The following DLG1 variants were observed in gnomAD, a reference collection of about 807,000 sequenced individuals.
The protein encoded by DLG1 is disks large homolog 1.
DLG1 carries 42 observed loss-of-function variants against 123.4 expected under a neutral mutation model. The observed-to-expected ratio is 0.34, with a 90% CI of 0.27 to 0.44. The LOEUF (loss-of-function observed/expected upper bound fraction) is 0.44, where lower values mean the gene tolerates loss of function less well. DLG1 is among the 20% of genes least tolerant of loss of function. The probability of loss-of-function intolerance (pLI) is 1.00; values close to 1 mark genes in which losing one functional copy is unlikely to be tolerated. For missense variants in DLG1, 942 were observed against 1,082.6 expected (o/e 0.87, Z 1.82); for synonymous variants, 317 against 356.2 (o/e 0.89, Z 1.24).
intron 4 of DLG1, among the ~76,000 whole-genome samples, chr3:197,223,998 C>G (rs1171573613): frequency 1.3e-5 from 2 of 152,190 alleles, no homozygotes; most frequent in Non-Finnish European, 2.9e-5. Context: ...TTTAAAAACT[C>G]TATCCACAAA....
chr3:197,050,558 A>G (rs1726875318), intron 24 of DLG1, among the ~76,000 whole-genome samples: 2 of 152,336 alleles, frequency 1.3e-5, no homozygotes, highest in Admixed American at 1.3e-4. Flanking sequence ...ACCTTATGCT[A>G]TATGAAATAA....
intron 13 of DLG1, among the ~76,000 whole-genome samples, chr3:197,114,637 A>G (rs1772024760): frequency 6.6e-6 from 1 of 152,212 alleles, no homozygotes; most frequent in Admixed American, 6.5e-5. Flanking sequence ...GCTTTTTACA[A>G]TGACTAGGGA....
intron 3 of DLG1, among the ~76,000 whole-genome samples, chr3:197,291,849 A>G (rs564625093): frequency 4.6e-5 from 7 of 152,364 alleles, no homozygotes; most frequent in African/African-American, 9.6e-5. Flanking sequence ...ATATATTTGT[A>G]TTAGCACATA....
At chr3:197,221,392 C>T (rs988154781) in intron 4 of DLG1, among the ~76,000 whole-genome samples, 2 of 151,948 alleles carry the variant, frequency 1.3e-5, no homozygotes, top group African/African-American at 4.8e-5. Flanking sequence ...TGGTGGCGGG[C>T]GCCTGTAATC....
intron 14 of DLG1, among the ~76,000 whole-genome samples, chr3:197,096,168 G>T (rs904141444): frequency 1.3e-5 from 2 of 152,148 alleles, no homozygotes; most frequent in African/African-American, 4.8e-5. Context: ...AGATATTTAT[G>T]TTTACATCTG....
intron 4 of DLG1, among the ~76,000 whole-genome samples, chr3:197,264,872 A>G (rs1370536040): frequency 2.6e-5 from 4 of 152,230 alleles, no homozygotes; most frequent in African/African-American, 7.2e-5. Flanking sequence ...GTGCTCATTC[A>G]CAGAAGAGGA....
intron 5 of DLG1, among the ~76,000 whole-genome samples, chr3:197,182,893 T>C (rs542944061): frequency 6.6e-6 from 1 of 151,720 alleles, no homozygotes; most frequent in East Asian, 1.9e-4. Flanking sequence ...TGTTATGTGA[T>C]TTTTTTTAAT....
intron 4 of DLG1, among the ~76,000 whole-genome samples, chr3:197,276,001 A>G (rs1286976870): frequency 1.3e-5 from 2 of 152,214 alleles, no homozygotes; most frequent in Non-Finnish European, 1.5e-5. Context: ...ATAAATATGT[A>G]TAATTATTTA....
chr3:197,150,748 C>T (rs145048874), intron 5 of DLG1, among the ~76,000 whole-genome samples: 2 of 151,980 alleles, frequency 1.3e-5, no homozygotes, highest in Non-Finnish European at 1.5e-5. Context: ...AATGTACAGG[C>T]TTTTAATAAA....
intron 14 of DLG1, among the ~76,000 whole-genome samples, chr3:197,093,355 C>T (rs1308874088): frequency 6.6e-6 from 1 of 152,078 alleles, no homozygotes. Flanking sequence ...GACGGGGTTT[C>T]ACCATGTTGG....
chr3:197,106,877 C>T lies in DLG1; in HGVS notation c.1444-1872G>A, dbSNP rs182356795. 9.2e-4 allele frequency among the ~76,000 whole-genome samples: 140 copies of T among 152,062 alleles called. 1 individual carries two copies. The highest frequency in any genetic ancestry group is 3.0e-3 in the African/African-American group (126 of 41,464). ...CATTTTTAAAAATGGAGAAATAATT[C>T]GCATACCATAGAATTCACATTTTTA... On this transcript the variant is annotated intron_variant, in intron 13 of 24. Coordinates refer to ENST00000667157, the MANE Select transcript of DLG1 (RefSeq NM_001366207.1).
chr3:197,182,861 A>G (rs1408897553), intron 5 of DLG1, among the ~76,000 whole-genome samples: 2 of 152,132 alleles, frequency 1.3e-5, no homozygotes, highest in Non-Finnish European at 2.9e-5. Flanking sequence ...CATAGACAAT[A>G]GCTCATTTCC....
At chr3:197,185,960 G>C (rs189036815) in intron 5 of DLG1, among the ~76,000 whole-genome samples, 9 of 152,248 alleles carry the variant, frequency 5.9e-5, no homozygotes, top group African/African-American at 2.2e-4. Context: ...AAAGAACTTA[G>C]GGTACAATCT....
At chr3:197,275,548 GAAT>G (rs1461634261) in intron 4 of DLG1, among the ~76,000 whole-genome samples, 1 of 152,164 alleles carries the variant, frequency 6.6e-6, no homozygotes, top group African/African-American at 2.4e-5. Context: ...ATAGACAATA[GAAT>G]ATTATTTAGC....
intron 3 of DLG1, among the ~76,000 whole-genome samples, chr3:197,285,766 T>C (rs968413558): frequency 2.6e-5 from 4 of 152,186 alleles, no homozygotes; most frequent in African/African-American, 4.8e-5. Context: ...GGGCAACACA[T>C]TGCTGACAGG....
intron 5 of DLG1, among the ~76,000 whole-genome samples, chr3:197,185,680 T>A (rs1443214059): frequency 6.6e-6 from 1 of 152,216 alleles, no homozygotes; most frequent in Non-Finnish European, 1.5e-5. Context: ...CTACGGTAAT[T>A]GGTCTGGCCC....
intron 6 of DLG1, among the ~76,000 whole-genome samples, chr3:197,146,873 G>C (rs1791052374): frequency 6.6e-6 from 1 of 152,112 alleles, no homozygotes; most frequent in Non-Finnish European, 1.5e-5. Context: ...CAGAGTGGGA[G>C]AAAATCTTCA....
At chr3:197,059,538 T>C (rs2148818075) in intron 23 of DLG1, among the ~76,000 whole-genome samples, 1 of 152,352 alleles carries the variant, frequency 6.6e-6, no homozygotes, top group Non-Finnish European at 1.5e-5. Context: ...TTACTTAGAT[T>C]CTATTTTTTT....
intron 11 of DLG1, among the ~76,000 whole-genome samples, chr3:197,126,440 C>A (rs1276079717): frequency 6.6e-6 from 1 of 151,658 alleles, no homozygotes; most frequent in Non-Finnish European, 1.5e-5. Context: ...GCACTCCAGC[C>A]TGGGCAACAA....
Sources: allele counts gnomAD v4.1 joint callset (sites outside exome capture counted in the v4.1 genomes callset), GRCh38; gene constraint gnomAD v4.1.1; transcripts MANE v1.5; gene names NCBI Gene and HGNC (gene_info 2026-07-23, HGNC 2026-07-21).